GRIK3: variants seen among roughly 807,000 people sequenced by gnomAD.
GRIK3 encodes the protein glutamate receptor ionotropic, kainate 3.
Under a neutral mutation model 102.5 loss-of-function variants are expected in GRIK3, and 29 were observed. The ratio of observed to expected loss-of-function variants is 0.28; its 90% confidence interval spans 0.21 to 0.39. GRIK3 has a LOEUF of 0.39. Among genes scored for constraint, GRIK3 ranks in the 10% least tolerant of loss-of-function variants. The pLI is 1.00. For missense variants in GRIK3, 908 were observed against 1,252.4 expected (o/e 0.73, Z 4.15); for synonymous variants, 511 against 504.9 (o/e 1.01, Z -0.16).
At chr1:37,004,111 C>T (rs1459723864) in intron 1 of GRIK3, among the ~76,000 whole-genome samples, 1 of 152,076 alleles carries the variant, frequency 6.6e-6, no homozygotes, top group Non-Finnish European at 1.5e-5. Flanking sequence ...AGGAAGCCAC[C>T]TTCTAAAAAA....
In GRIK3 at chr1:36,879,552, G is replaced by A. The variant is rs187853718; in HGVS notation, c.550+1082C>T. Among the ~76,000 whole-genome samples the A allele has an allele frequency of 2.5e-3, 388 of 152,324 alleles. 2 individuals carry two copies. The highest frequency in any genetic ancestry group is 3.9e-3 in the Non-Finnish European group (266 of 68,024). On this transcript the variant is annotated intron_variant, in intron 3 of 15. Transcript: ENST00000373091. ...AGATCCAAAGGAAAAGCCAGAGTGCGTTTGCTGGGTTTGTTGGTGGTTATC... is the reference window on the plus strand; with the variant it reads ...AGATCCAAAGGAAAAGCCAGAGTGCATTTGCTGGGTTTGTTGGTGGTTATC...
chr1:37,013,791 T>C (rs548661), intron 1 of GRIK3, among the ~76,000 whole-genome samples: 2 of 152,048 alleles, frequency 1.3e-5, no homozygotes, highest in East Asian at 3.9e-4. Flanking sequence ...AAGGGCCAAA[T>C]ATATCAAGGG....
At chr1:36,838,811 G>A (rs1277256801) in intron 10 of GRIK3, among the ~76,000 whole-genome samples, 1 of 152,176 alleles carries the variant, frequency 6.6e-6, no homozygotes, top group Non-Finnish European at 1.5e-5. Flanking sequence ...CTAATTATCT[G>A]ACGACACTAA....
intron 1 of GRIK3, among the ~76,000 whole-genome samples, chr1:37,014,758 C>G (rs565249210): frequency 6.6e-6 from 1 of 152,180 alleles, no homozygotes; most frequent in African/African-American, 2.4e-5. Flanking sequence ...CCATTTTGAC[C>G]GTGAGGATGC....
At chr1:36,845,981 G>A (rs1001796452) in intron 9 of GRIK3, among the ~76,000 whole-genome samples, 1 of 152,214 alleles carries the variant, frequency 6.6e-6, no homozygotes, top group Non-Finnish European at 1.5e-5. Flanking sequence ...CCCGTGTGTA[G>A]CTGGTCCTAC....
chr1:37,014,848 T>TTTCTA (rs1213949577), intron 1 of GRIK3, among the ~76,000 whole-genome samples: 1 of 122,514 alleles, frequency 8.2e-6, no homozygotes, highest in Non-Finnish European at 1.9e-5. Context: ...TTTCTTATCT[T>TTTCTA]TTCTTTTCTT....
chr1:37,010,965 T>G (rs1642590041), intron 1 of GRIK3, among the ~76,000 whole-genome samples: 1 of 152,042 alleles, frequency 6.6e-6, no homozygotes, highest in Non-Finnish European at 1.5e-5. Context: ...ATGATCTCGA[T>G]CTCCTGACCT....
chr1:36,887,957 G>A (rs1369565013), intron 2 of GRIK3, among the ~76,000 whole-genome samples: 1 of 151,952 alleles, frequency 6.6e-6, no homozygotes, highest in East Asian at 1.9e-4. Flanking sequence ...ACATAGCTGT[G>A]GGGAGTTCAG....
chr1:36,823,053 G>A (rs568445499), intron 11 of GRIK3, among the ~76,000 whole-genome samples: 1 of 152,190 alleles, frequency 6.6e-6, no homozygotes, highest in South Asian at 2.1e-4. Context: ...CCCTTCCCAG[G>A]CCCCATTTCT....
intron 2 of GRIK3, among the ~76,000 whole-genome samples, chr1:36,882,979 A>C (rs1018010540): frequency 6.6e-6 from 1 of 152,240 alleles, no homozygotes; most frequent in Non-Finnish European, 1.5e-5. Flanking sequence ...CAGGGGAATG[A>C]CACTATGTGC....
Position 36,976,879 on chromosome 1 carries a change from C to T in GRIK3, c.115+57115G>A, listed in dbSNP as rs148015570. Among the ~76,000 whole-genome samples, 870 of 152,276 alleles carry T rather than the reference C, an allele frequency of 5.7e-3. 12 individuals carry two copies. Among genetic ancestry groups the T allele is most frequent in the African/African-American group, 0.02 (830 of 41,560 alleles). ...GTCACCCACACTTCTGAAACACATC[C>T]CTCTGCCAAAAAGGCTTCTAGACAC... On this transcript the variant is annotated intron_variant, in intron 1 of 15. Coordinates refer to ENST00000373091, the MANE Select transcript of GRIK3 (RefSeq NM_000831.4).
At chr1:36,816,961 T>C (rs763119388) in intron 13 of GRIK3, 99 bp downstream of exon 13, 21 of 784,548 alleles carry the variant, frequency 2.7e-5, no homozygotes, top group Non-Finnish European at 4.2e-5. Context: ...TGGCCATGCG[T>C]GGTTAGGGAA....
chr1:36,992,048 C>T (rs574544494), intron 1 of GRIK3, among the ~76,000 whole-genome samples: 75 of 152,204 alleles, frequency 4.9e-4, no homozygotes, highest in Middle Eastern at 3.4e-3. Context: ...GGAGAAAGCC[C>T]GACTCCTAGT....
intron 1 of GRIK3, among the ~76,000 whole-genome samples, chr1:36,971,503 T>C (rs1301405265): frequency 6.6e-6 from 1 of 152,028 alleles, no homozygotes; most frequent in African/African-American, 2.4e-5. Flanking sequence ...ACACTTAGAG[T>C]TGGGCCTCTA....
At chr1:36,823,413 G>A (rs980142339) in intron 11 of GRIK3, among the ~76,000 whole-genome samples, 4 of 140,812 alleles carry the variant, frequency 2.8e-5, no homozygotes, top group Admixed American at 7.8e-5. Context: ...GGCAGAGCTT[G>A]CAGTGAGCTG....
At chr1:36,921,031 G>A (rs1641463660) in intron 1 of GRIK3, among the ~76,000 whole-genome samples, 1 of 152,228 alleles carries the variant, frequency 6.6e-6, no homozygotes, top group African/African-American at 2.4e-5. Context: ...GTGCCCATCT[G>A]GAGGTGGAGA....
intron 1 of GRIK3, among the ~76,000 whole-genome samples, chr1:36,918,433 T>C (rs1641430863): frequency 6.6e-6 from 1 of 152,216 alleles, no homozygotes; most frequent in Admixed American, 6.5e-5. Context: ...ATGTCTTTGC[T>C]CATGACATTA....
Position 36,850,276 on chromosome 1 carries a change from G to T in GRIK3, c.1326+35C>A. 1 of 1,382,552 alleles carries T rather than the reference G, an allele frequency of 7.2e-7. No homozygotes were observed. The highest frequency in any genetic ancestry group is 1.0e-6 in the Non-Finnish European group (1 of 968,432). The allele number at this position is 1,382,552 out of a possible 1,614,324, so 85.6% of individuals were successfully genotyped here. ...CGAACGGCCACCCCACCCCCAGGTC[G>T]GACAGTCCTTCCTGCAGGGGCTGCA... On this transcript the variant is annotated intron_variant, in intron 9 of 15. Transcript: ENST00000373091. The surrounding 1 kb of genome is among the most constrained non-coding windows in gnomAD (Gnocchi z 4.0).
At position 36,972,338 on chromosome 1, in the gene GRIK3, G is replaced by C. The variant is rs3767098; in HGVS notation, c.115+61656C>G. Among the ~76,000 whole-genome samples the C allele has an allele frequency of 6.6e-3, 1,004 of 152,334 alleles. 21 individuals carry two copies. Among genetic ancestry groups the C allele is most frequent in the East Asian group, 0.049 (252 of 5,180 alleles). ...AAAGTGGACAGATCCTGATGGAATG[G>C]ACCAGGCCTTCCGTACTGATTCCAG... is the stretch of plus-strand genomic sequence containing the variant. On this transcript the variant is annotated intron_variant, in intron 1 of 15. Coordinates refer to ENST00000373091, the MANE Select transcript of GRIK3 (RefSeq NM_000831.4).
Sources: gnomAD v4.1 joint callset for allele counts (sites outside exome capture counted in the v4.1 genomes callset) on GRCh38, gnomAD v4.1.1 for gene constraint, Gnocchi (gnomAD v3.1) non-coding constraint, MANE v1.5 for transcripts, NCBI Gene and HGNC (gene_info 2026-07-23, HGNC 2026-07-21) for gene names.